The following PANX1 variants were observed in gnomAD, a reference collection of about 807,000 sequenced individuals.
PANX1 encodes the protein pannexin 1.
In PANX1, 30 loss-of-function variants were observed where a neutral mutation model predicts 38.7. The observed-to-expected ratio is 0.78, with a 90% CI of 0.58 to 1.05. The LOEUF (loss-of-function observed/expected upper bound fraction) is 1.05, where lower values mean the gene tolerates loss of function less well. Ranked by LOEUF, PANX1 falls within the 50% of genes least tolerant of loss-of-function variation. The pLI is 0.00. For missense variants in PANX1, 551 were observed against 517.2 expected (o/e 1.07, Z -0.63); for synonymous variants, 230 against 212.2 (o/e 1.08, Z -0.73).
intron 2 of PANX1, among the ~76,000 whole-genome samples, chr11:94,163,986 A>AG (rs1349591110): frequency 6.6e-6 from 1 of 151,384 alleles, no homozygotes; most frequent in Non-Finnish European, 1.5e-5. Flanking sequence ...GAAATTTATC[A>AG]ATTTTTTTTA....
At chr11:94,165,357 A>G (rs1947090798) in intron 2 of PANX1, among the ~76,000 whole-genome samples, 1 of 147,732 alleles carries the variant, frequency 6.8e-6, no homozygotes, top group South Asian at 2.1e-4. Context: ...TAATTTTATT[A>G]TTATTATACT....
chr11:94,130,592 TGGGGCCTG>T (rs1267207175), intron 1 of PANX1, among the ~76,000 whole-genome samples: 1 of 119,718 alleles, frequency 8.4e-6, no homozygotes, highest in Non-Finnish European at 1.8e-5. Context: ...GGTGAGAGGA[TGGGGCCTG>T]GAGGGCTGGG....
intron 2 of PANX1, among the ~76,000 whole-genome samples, chr11:94,154,743 A>G (rs577543402): frequency 3.3e-5 from 5 of 152,170 alleles, no homozygotes; most frequent in African/African-American, 9.7e-5. Flanking sequence ...GACTTCCCCA[A>G]AACTTAACTA....
At chr11:94,129,610 A>G (rs1023102526) in intron 1 of PANX1, 117 bp downstream of exon 1, 1 of 924,486 alleles carries the variant, frequency 1.1e-6, no homozygotes, top group Non-Finnish European at 1.6e-6. Context: ...CGTGAGCGTC[A>G]GGAAGGGCAG....
In PANX1 at chr11:94,180,268, C is replaced by A; in HGVS notation, c.1201+11C>A. On this transcript the variant is annotated intron_variant, in intron 4 of 4. Coordinates refer to ENST00000227638, the MANE Select transcript of PANX1 (RefSeq NM_015368.4). Reference sequence around the variant, plus strand: ...CGGCAGAGCTCCAAGGTAGGGTTTGCTTTTGGCAGAGGCTACGGGAGTCTA... The same window carrying A: ...CGGCAGAGCTCCAAGGTAGGGTTTGATTTTGGCAGAGGCTACGGGAGTCTA... The A allele has an allele frequency of 6.3e-7, 1 of 1,588,922 alleles. No individual in the cohort carries two copies. Among genetic ancestry groups the A allele is most frequent in the Non-Finnish European group, 8.6e-7 (1 of 1,164,610 alleles).
At chr11:94,135,006 C>T (rs1031552132) in intron 1 of PANX1, among the ~76,000 whole-genome samples, 15 of 152,174 alleles carry the variant, frequency 9.9e-5, no homozygotes, top group African/African-American at 3.6e-4. Context: ...CTGTGCCCTG[C>T]GCTTAGGGCT....
chr11:94,177,634 T>C (rs1947249588), intron 2 of PANX1, among the ~76,000 whole-genome samples: 1 of 152,114 alleles, frequency 6.6e-6, no homozygotes, highest in Non-Finnish European at 1.5e-5. Flanking sequence ...TCCTGGTTAC[T>C]GGGGTGCTCC....
intron 1 of PANX1, among the ~76,000 whole-genome samples, chr11:94,142,731 C>A (rs887481745): frequency 6.6e-6 from 1 of 152,232 alleles, no homozygotes; most frequent in African/African-American, 2.4e-5. Context: ...CCTTGCATTG[C>A]ATATGGTACC....
intron 2 of PANX1, among the ~76,000 whole-genome samples, chr11:94,164,783 C>T (rs1031381935): frequency 1.3e-5 from 2 of 152,106 alleles, no homozygotes; most frequent in Non-Finnish European, 2.9e-5. Context: ...GCGTGAAGTT[C>T]CCGACTATTA....
At chr11:94,145,594 A>G (rs1946819742) in intron 1 of PANX1, among the ~76,000 whole-genome samples, 1 of 152,214 alleles carries the variant, frequency 6.6e-6, no homozygotes. Context: ...CCTTGCAGAC[A>G]TGTGCTGTGA....
rs186590900 is a variant in PANX1 at position 94,137,939 on chromosome 11, G to T, written c.181+8446G>T. 5.9e-3 allele frequency among the ~76,000 whole-genome samples: 710 copies of T among 120,390 alleles called. 7 individuals are homozygous for T. Among genetic ancestry groups the T allele is most frequent in the Admixed American group, 0.014 (151 of 11,114 alleles). 79.0% of individuals were successfully genotyped at this position (120,390 alleles called of 152,430 possible). ...TTGTTGTACATGATTTTTTTTGTTG[G>T]CAGTGACATGGAATGTTGTGCACGT... On this transcript the variant is annotated intron_variant, in intron 1 of 4. Transcript: ENST00000227638.
At chr11:94,154,386 G>T (rs1946922433) in intron 2 of PANX1, among the ~76,000 whole-genome samples, 2 of 152,222 alleles carry the variant, frequency 1.3e-5, no homozygotes, top group African/African-American at 4.8e-5. Flanking sequence ...TGAAGTGACT[G>T]CATTAGGTCT....
chr11:94,150,759 TG>T (rs1428815300), intron 1 of PANX1, among the ~76,000 whole-genome samples: 3 of 152,194 alleles, frequency 2.0e-5, no homozygotes, highest in Non-Finnish European at 4.4e-5. Flanking sequence ...ATTTCTGGCC[TG>T]GGAATACCCA....
chr11:94,130,749 GC>G (rs372800600), intron 1 of PANX1, among the ~76,000 whole-genome samples: 172 of 152,234 alleles, frequency 1.1e-3, no homozygotes, highest in African/African-American at 3.8e-3. Context: ...GCCATGAACG[GC>G]AGTACTGGTC....
intron 2 of PANX1, among the ~76,000 whole-genome samples, chr11:94,164,639 A>G (rs748595308): frequency 6.6e-6 from 1 of 152,240 alleles, no homozygotes; most frequent in Non-Finnish European, 1.5e-5. Flanking sequence ...CATTTGCTAA[A>G]GAGCAGAATG....
chr11:94,175,237 C>T (rs577811465), intron 2 of PANX1, among the ~76,000 whole-genome samples: 1 of 151,576 alleles, frequency 6.6e-6, no homozygotes, highest in South Asian at 2.1e-4. Flanking sequence ...TATAGAATCA[C>T]TGAAAGTTGC....
At chr11:94,159,721 A>G (rs1211162739) in intron 2 of PANX1, among the ~76,000 whole-genome samples, 2 of 151,252 alleles carry the variant, frequency 1.3e-5, no homozygotes, top group Non-Finnish European at 2.9e-5. Flanking sequence ...TTGTGTCTCT[A>G]TTTCCTTCAG....
Position 94,132,756 on chromosome 11 carries a change from C to T in PANX1, c.181+3263C>T, listed in dbSNP as rs151182099. Among the ~76,000 whole-genome samples, 595 of 152,236 alleles carry T rather than the reference C, an allele frequency of 3.9e-3. 4 individuals carry two copies. The highest frequency in any genetic ancestry group is 6.4e-3 in the Non-Finnish European group (435 of 68,014). On this transcript the variant is annotated intron_variant, in intron 1 of 4. Coordinates refer to ENST00000227638, the MANE Select transcript of PANX1 (RefSeq NM_015368.4). ...TAAAATAAATTATATTTTCCAGTTA[C>T]TTTCCAAAAATTAAATTTTCTGTCA...
intron 1 of PANX1, among the ~76,000 whole-genome samples, chr11:94,144,925 A>C (rs1946810000): frequency 6.6e-6 from 1 of 152,170 alleles, no homozygotes; most frequent in Non-Finnish European, 1.5e-5. Context: ...ACTAGGTTGA[A>C]TGAGAGAATC....
Sources: gnomAD v4.1 joint callset for allele counts (sites outside exome capture counted in the v4.1 genomes callset) on GRCh38, gnomAD v4.1.1 for gene constraint, MANE v1.5 for transcripts, NCBI Gene and HGNC (gene_info 2026-07-23, HGNC 2026-07-21) for gene names.